The following CFAP74 variants were observed in gnomAD, a reference collection of about 807,000 sequenced individuals.
CFAP74 encodes the protein cilia and flagella associated protein 74.
A neutral mutation model predicts 188.9 loss-of-function variants in CFAP74; 124 were observed. That is an observed-to-expected ratio of 0.66 (90% CI 0.57 to 0.76). The LOEUF is 0.76. Among genes scored for constraint, CFAP74 ranks in the 30% least tolerant of loss-of-function variants. The pLI is 0.00. For missense variants in CFAP74, 2,198 were observed against 2,165.2 expected (o/e 1.02, Z -0.30); for synonymous variants, 956 against 916.7 (o/e 1.04, Z -0.77).
At chr1:1,988,736 G>A in intron 3 of CFAP74, 81 bp from the exon 4 acceptor site, 3 of 1,550,712 alleles carry the variant, frequency 1.9e-6, no homozygotes, top group South Asian at 1.1e-5. Context: ...GCCGGGGTAG[G>A]TGCCTGACAG....
chr1:1,989,180 G>C (rs186975896), intron 2 of CFAP74, among the ~76,000 whole-genome samples: 6 of 152,150 alleles, frequency 3.9e-5, no homozygotes, highest in African/African-American at 1.4e-4. Flanking sequence ...GAGAGAGTCA[G>C]GGACATCCGT....
intron 25 of CFAP74, among the ~76,000 whole-genome samples, chr1:1,938,137 TCA>T (rs1299768388): frequency 2.3e-5 from 3 of 131,640 alleles, no homozygotes; most frequent in Non-Finnish European, 3.2e-5. Flanking sequence ...AGTCACATGC[TCA>T]CACATACATG....
chr1:1,955,944 G>A, intron 17 of CFAP74, 94 bp from the exon 18 acceptor site: 1 of 1,480,290 alleles, frequency 6.8e-7, no homozygotes, highest in Non-Finnish European at 8.9e-7. Context: ...GCCGTGTTGG[G>A]GGCTGGACCC....
Position 1,923,868 on chromosome 1 carries a change from G to T in CFAP74, c.4296C>A (p.Asp1432Glu). The change falls in exon 35 of 39, where the codon GAC becomes GAA. Residue 1432 changes from aspartate to glutamate, a missense_variant. Physicochemically the swap from Asp to Glu is conservative, Grantham distance 45. Transcript: ENST00000682832. The surrounding 1 kb of genome is among the most constrained non-coding windows in gnomAD (Gnocchi z 6.3). ...CAGTGAAGTCTTGTGTCTTCCCGGG[G>T]TCCATGACGCCCTTGACGGGGGCCA... The part of the protein sequence containing the change: ...FSVAPVKGVM[D>E]PGKTQDFTVT... 1.2e-6 allele frequency: 2 copies of T among 1,613,210 alleles called. No individual in the cohort carries two copies. The highest frequency in any genetic ancestry group is 1.7e-6 in the Non-Finnish European group (2 of 1,179,748).
chr1:1,927,850 G>A, intron 27 of CFAP74, 104 bp from the exon 28 acceptor site: 1 of 1,355,070 alleles, frequency 7.4e-7, no homozygotes. Context: ...GGGAGCCGCA[G>A]TTGGGATTGA....
In CFAP74 at chr1:1,942,033, C is replaced by T. The variant is rs1397719478; in HGVS notation, c.2610G>A (p.Leu870=). Residue 870 remains leucine (L), a synonymous_variant, in exon 22 of 39, where the codon CTG becomes CTA. Coordinates refer to ENST00000682832, the MANE Select transcript of CFAP74 (RefSeq NM_001304360.2). This position sits in a 1 kb window ranked among gnomAD's most constrained non-coding sequence, Gnocchi z 4.3. Reference sequence around the variant, plus strand: ...CTTGGCGTCCTGGCACCTACCGCGGCAGGAACTTGAGCTGCACGGAGTAGG... The same window carrying T: ...CTTGGCGTCCTGGCACCTACCGCGGTAGGAACTTGAGCTGCACGGAGTAGG... The part of the protein sequence containing the change: ...QSSYSVQLKF[L]PRHSLPEDAG... The T allele has an allele frequency of 1.1e-5, 16 of 1,502,020 alleles. No homozygotes were observed. The South Asian group carries it at 1.8e-4, about 17-fold the overall frequency. The allele number at this position is 1,502,020 out of a possible 1,614,324, so 93.0% of individuals were successfully genotyped here.
chr1:1,928,675 T>C, intron 27 of CFAP74, 109 bp downstream of exon 27: 1 of 749,212 alleles, frequency 1.3e-6, no homozygotes, highest in Admixed American at 2.4e-5. Flanking sequence ...AGGTCTACCC[T>C]GTGCTCCCGG....
chr1:1,970,065 A>T (rs922493849), intron 10 of CFAP74, among the ~76,000 whole-genome samples: 10 of 152,184 alleles, frequency 6.6e-5, no homozygotes, highest in Non-Finnish European at 1.3e-4. Flanking sequence ...GATCTCAGGA[A>T]GCCCAGTGGG....
chr1:1,926,126 C>T, intron 32 of CFAP74, 102 bp downstream of exon 32: 1 of 1,443,668 alleles, frequency 6.9e-7, no homozygotes, highest in Non-Finnish European at 9.2e-7. Context: ...CAGGCTTAGT[C>T]CCAGGCCTGA....
At chr1:1,972,419 T>G (rs1441518710) in intron 8 of CFAP74, among the ~76,000 whole-genome samples, 2 of 152,366 alleles carry the variant, frequency 1.3e-5, no homozygotes, top group East Asian at 3.9e-4. Context: ...GAACATGCCC[T>G]GGAGGGCCAG....
rs1570918713 is a variant in CFAP74 at position 1,960,050 on chromosome 1, G to A, written c.1695-20C>T. ...TCAAAGCTGCAGGACGTGACCCATA[G>A]CACACGGGGGTTAGTGCTGCGGAGG... is the stretch of plus-strand genomic sequence containing the variant. On this transcript the variant is annotated intron_variant, in intron 14 of 38. Coordinates refer to ENST00000682832, the MANE Select transcript of CFAP74 (RefSeq NM_001304360.2). 2 of 1,592,356 alleles carry A rather than the reference G, an allele frequency of 1.3e-6. No individual in the cohort carries two copies. The highest frequency in any genetic ancestry group is 2.8e-5 in the African/African-American group (2 of 72,684).
chr1:1,938,105 C>T (rs1222550861), intron 25 of CFAP74, among the ~76,000 whole-genome samples: 1 of 142,464 alleles, frequency 7.0e-6, no homozygotes, highest in Non-Finnish European at 1.6e-5. Flanking sequence ...CCTTACACAC[C>T]CACATACATG....
At chr1:1,959,509 T>A (rs1654915344) in intron 15 of CFAP74, among the ~76,000 whole-genome samples, 4 of 152,210 alleles carry the variant, frequency 2.6e-5, no homozygotes, top group African/African-American at 9.6e-5. Context: ...CAAGCGACCC[T>A]CCTGCCTTGG....
At chr1:1,987,105 G>T in intron 4 of CFAP74, 70 bp from the exon 5 acceptor site, 1 of 1,328,550 alleles carries the variant, frequency 7.5e-7, no homozygotes, top group Non-Finnish European at 1.1e-6. Flanking sequence ...CAGTGGGCGT[G>T]GCAATGGGGC....
At chr1:1,929,794 C>T (rs1251547370) in intron 26 of CFAP74, among the ~76,000 whole-genome samples, 1 of 151,952 alleles carries the variant, frequency 6.6e-6, no homozygotes, top group African/African-American at 2.4e-5. Flanking sequence ...GCCAGGCCAG[C>T]AGCCTGGGGA....
chr1:1,977,097 C>T (rs192594933), intron 6 of CFAP74, among the ~76,000 whole-genome samples: 1 of 152,254 alleles, frequency 6.6e-6, no homozygotes, highest in Admixed American at 6.5e-5. Flanking sequence ...ATCCACCCAC[C>T]TTGGCTTCCC....
At chr1:1,934,943 G>A (rs1262113511) in intron 25 of CFAP74, among the ~76,000 whole-genome samples, 17 of 36,418 alleles carry the variant, frequency 4.7e-4, no homozygotes, top group South Asian at 1.2e-3. Context: ...AGGTGTGTAC[G>A]TGGGTGTTAG....
intron 18 of CFAP74, among the ~76,000 whole-genome samples, chr1:1,949,535 T>C (rs1436319051): frequency 8.2e-6 from 1 of 122,192 alleles, no homozygotes; most frequent in African/African-American, 3.1e-5. Flanking sequence ...TTGCATATAG[T>C]AAAATGGACT....
In CFAP74 at chr1:1,956,893, C is replaced by T. The variant is rs115650824; in HGVS notation, c.1852-109G>A. 1,917 of 1,086,010 alleles carry T rather than the reference C, an allele frequency of 1.8e-3. 28 individuals carry two copies. The African/African-American group carries it at 0.025, about 14-fold the overall frequency. 67.3% of individuals were successfully genotyped at this position (1,086,010 alleles called of 1,614,324 possible). On this transcript the variant is annotated intron_variant, in intron 16 of 38. Transcript: ENST00000682832. The stretch of plus-strand genomic sequence containing the variant: ...CAGGGCTGCCCTGAGCATTTGTGCG[C>T]GTTGTGCACTGCACAAGCAGGTACA...
Sources: gnomAD v4.1 joint callset for allele counts (sites outside exome capture counted in the v4.1 genomes callset) on GRCh38, gnomAD v4.1.1 for gene constraint, Gnocchi (gnomAD v3.1) non-coding constraint, MANE v1.5 for transcripts, NCBI Gene and HGNC (gene_info 2026-07-23, HGNC 2026-07-21) for gene names.